The following STAT6 variants were observed in gnomAD, a reference collection of about 807,000 sequenced individuals.
STAT6 encodes signal transducer and activator of transcription 6, also known as STAT, interleukin4-induced.
STAT6 carries 45 observed loss-of-function variants against 106.3 expected under a neutral mutation model. That is an observed-to-expected ratio of 0.42 (90% confidence interval 0.33 to 0.54). STAT6 has a LOEUF of 0.54. Ranked by LOEUF, STAT6 falls within the 20% of genes least tolerant of loss-of-function variation. The pLI is 0.06. For synonymous variants in STAT6, 413 were observed against 413.6 expected (o/e 1.00, Z 0.02); for missense variants, 797 against 1,062.2 (o/e 0.75, Z 3.47).
chr12:57,101,139 A>C (rs1011235233), intron 13 of STAT6, among the ~76,000 whole-genome samples: 2 of 151,346 alleles, frequency 1.3e-5, no homozygotes, highest in Admixed American at 6.6e-5. Context: ...GGCAGGCTGG[A>C]GTGCAGTGGC....
chr12:57,105,089 C>T (rs2136604373), intron 9 of STAT6, 62 bp downstream of exon 9: 1 of 1,542,022 alleles, frequency 6.5e-7, no homozygotes, highest in South Asian at 1.2e-5. Flanking sequence ...AGTGCCAGCC[C>T]TCCAGGCTGC....
In STAT6 at chr12:57,106,735, G is replaced by T. The variant is rs1387979430; in HGVS notation, c.436C>A (p.Leu146Ile). The change falls in exon 5 of 22, where the codon CTT (leucine) becomes ATT (isoleucine). Residue 146 changes from leucine to isoleucine, a missense_variant. Transcript: ENST00000300134. ...RLQHRVGEIH[L>I]LREALQKGAE... is the part of the protein sequence containing the mutation. ...CCCTTCTGCAGGGCTTCTCGGAGAA[G>T]GTGGATCTCCCCTACTCGGTGCTGC... 1.2e-6 allele frequency: 2 copies of T among 1,614,182 alleles called. No homozygotes were observed. Among genetic ancestry groups the T allele is most frequent in the East Asian group, 2.2e-5 (1 of 44,880 alleles).
chr12:57,102,481 C>G lies in STAT6; in HGVS notation c.1321G>C (p.Val441Leu). Residue 441 changes from valine to leucine, a missense_variant, in exon 13 of 22, where the codon GTG becomes CTG. By Grantham distance (32) the Val-to-Leu change is conservative (BLOSUM62 1). Around this residue, in one of 4 missense-constraint regions of STAT6, gnomAD observed 222 missense variants for 354.6 expected, o/e 0.63. Coordinates refer to ENST00000300134, the MANE Select transcript of STAT6 (RefSeq NM_003153.5). ...AFSEMDRVPF[V>L]VAERVPWEKM... is the part of the protein sequence containing the mutation. ...TCCCAGGGCACCCGCTCAGCCACCA[C>G]AAAGGGCACGCGGTCCTGGGGAGAA... The G allele has an allele frequency of 6.2e-7, 1 of 1,613,698 alleles. No individual in the cohort carries two copies. Among genetic ancestry groups the G allele is most frequent in the Non-Finnish European group, 8.5e-7 (1 of 1,180,010 alleles).
At chr12:57,105,773 G>T in intron 7 of STAT6, 174 bp from the exon 8 acceptor site, 2 of 1,140,814 alleles carry the variant, frequency 1.8e-6, no homozygotes, top group Non-Finnish European at 1.2e-6. Context: ...GTTGGCCTAG[G>T]GTCTGGGTGG....
In STAT6 at chr12:57,099,679, G is replaced by A. The variant is rs769002007; in HGVS notation, c.1744+88C>T. ...AAGAACTTCCTGAAGATCAGGATCG[G>A]CATCAGGAAGGTCAGGACATTTCAT... On this transcript the variant is annotated intron_variant, in intron 15 of 21. Transcript: ENST00000300134. The surrounding 1 kb of genome is among the most constrained non-coding windows in gnomAD (Gnocchi z 4.7). The A allele has an allele frequency of 3.9e-6, 6 of 1,555,328 alleles. No homozygotes were observed. Among genetic ancestry groups the A allele is most frequent in the Non-Finnish European group, 5.3e-6 (6 of 1,140,246 alleles).
chr12:57,105,832 T>A (rs1592569070), intron 7 of STAT6: 1 of 740,080 alleles, frequency 1.4e-6, no homozygotes, highest in Admixed American at 3.1e-5. Context: ...CAGCTGCCTC[T>A]CCCCCGACGG....
chr12:57,098,622 G>T (rs1424886881), intron 18 of STAT6, 25 bp from the exon 19 acceptor site: 3 of 1,608,764 alleles, frequency 1.9e-6, no homozygotes, highest in Non-Finnish European at 2.5e-6. Context: ...CAGACCCCCT[G>T]ATGCCAGCCC....
At chr12:57,107,454 C>T (rs1592573478) in intron 3 of STAT6, 140 bp from the exon 4 acceptor site, 2 of 1,316,478 alleles carry the variant, frequency 1.5e-6, no homozygotes, top group Non-Finnish European at 2.1e-6. Context: ...CATTTGCATG[C>T]TTTTAAAATC....
rs759247999 is a variant in STAT6 at position 57,106,573 on chromosome 12, C to G, written c.486G>C (p.Leu162=). 6.2e-7 allele frequency: 1 copy of G among 1,614,184 alleles called. No individual in the cohort carries two copies. The highest frequency in any genetic ancestry group is 1.1e-5 in the South Asian group (1 of 91,074). The change falls in exon 6 of 22, where the codon CTG becomes CTC. Residue 162 remains leucine (L), a synonymous_variant. Transcript: ENST00000300134. ...TAGCAGGAGTTTCTATCAAGCTGTG[C>G]AGAGACACTGAGGGTTGGGGGCAGA... ...QKGAEAGQVS[L]HSLIETPANG... is the part of the protein sequence containing the mutation.
In STAT6 at chr12:57,099,282, G is replaced by T; in HGVS notation, c.1891+12C>A. 6.2e-7 allele frequency: 1 copy of T among 1,614,090 alleles called. No individual in the cohort carries two copies. The highest frequency in any genetic ancestry group is 1.1e-5 in the South Asian group (1 of 91,076). On this transcript the variant is annotated intron_variant, in intron 16 of 21. Coordinates refer to ENST00000300134, the MANE Select transcript of STAT6 (RefSeq NM_003153.5). The surrounding 1 kb of genome is among the most constrained non-coding windows in gnomAD (Gnocchi z 4.7). The stretch of plus-strand genomic sequence containing the variant: ...TGACAGGAAGGAATCAGAGCTGCCA[G>T]TTCCAGCTCACGCTTGTAGTGGCTC...
intron 13 of STAT6, 80 bp from the exon 14 acceptor site, chr12:57,100,170 T>A (rs753826736): frequency 2.5e-6 from 3 of 1,221,186 alleles, no homozygotes; most frequent in Non-Finnish European, 3.5e-6. Flanking sequence ...GAGCTGTGAG[T>A]GCCCTCACGA....
chr12:57,105,801 C>T (rs2034237072), intron 7 of STAT6: 2 of 910,062 alleles, frequency 2.2e-6, no homozygotes, highest in Non-Finnish European at 3.2e-6. Flanking sequence ...ATTCTCAGTG[C>T]CTACACCCCC....
In STAT6 at chr12:57,104,771, C is replaced by T. The variant is rs961487334; in HGVS notation, c.1044G>A (p.Glu348=). The change falls in exon 10 of 22, where the codon GAG becomes GAA. Residue 348 remains glutamate, a synonymous_variant. Transcript: ENST00000300134. The part of the protein sequence containing the change: ...GEIINNTVPL[E]NSIPGNCCSA... ...AGCAGCAGTTCCCAGGAATGCTGTT[C>T]TCCAAGGGCACAGTGTTGTTGATGA... 6.2e-7 allele frequency: 1 copy of T among 1,614,032 alleles called. No homozygotes were observed.
chr12:57,099,144 G>T lies in STAT6; in HGVS notation c.1892-66C>A. The T allele has an allele frequency of 6.2e-7, 1 of 1,605,088 alleles. No homozygotes were observed. Among genetic ancestry groups the T allele is most frequent in the Non-Finnish European group, 8.5e-7 (1 of 1,172,918 alleles). The stretch of plus-strand genomic sequence containing the variant: ...GTTAGGGAGGAAGGGAGGTGGAAAA[G>T]GTGGGCATGGATCATGGGGAAGTAA... On this transcript the variant is annotated intron_variant, in intron 16 of 21. Transcript: ENST00000300134. The surrounding 1 kb of genome is among the most constrained non-coding windows in gnomAD (Gnocchi z 4.7).
chr12:57,104,629 C>T (rs201788139), intron 10 of STAT6, 43 bp from the exon 11 acceptor site: 10 of 1,612,932 alleles, frequency 6.2e-6, no homozygotes, highest in East Asian at 2.2e-5. Context: ...GTCATGAGGA[C>T]AGAGACCGCT....
Position 57,102,937 on chromosome 12 carries a change from A to ACAG in STAT6, c.1213-19_1213-17dup, listed in dbSNP as rs2034028543. Reference sequence around the variant, plus strand: ...GAGACAGGGCCTGAAGAGGGTGAGGACAGGGGTTTCTTTTCTTTCTTTCTT... The same window carrying ACAG: ...GAGACAGGGCCTGAAGAGGGTGAGGACAGCAGGGGTTTCTTTTCTTTCTTTCTT... On this transcript the variant is annotated splice_polypyrimidine_tract_variant and intron_variant, in intron 11 of 21. Coordinates refer to ENST00000300134, the MANE Select transcript of STAT6 (RefSeq NM_003153.5). 4 of 1,316,910 alleles carry ACAG rather than the reference A, an allele frequency of 3.0e-6. No individual in the cohort carries two copies. The Admixed American group carries it at 9.6e-5, about 32-fold the overall frequency. The allele number at this position is 1,316,910 out of a possible 1,614,324, so 81.6% of individuals were successfully genotyped here.
chr12:57,099,454 G>A lies in STAT6; in HGVS notation c.1745-14C>T. On this transcript the variant is annotated splice_polypyrimidine_tract_variant and intron_variant, in intron 15 of 21. Coordinates refer to ENST00000300134, the MANE Select transcript of STAT6 (RefSeq NM_003153.5). The surrounding 1 kb of genome is among the most constrained non-coding windows in gnomAD (Gnocchi z 4.7). The stretch of plus-strand genomic sequence containing the variant: ...TCTGTGGAGAGCCTATGGTAGGAAG[G>A]AGACCCTGAGATCCCTCTGTCCGGA... 1 of 1,614,110 alleles carries A rather than the reference G, an allele frequency of 6.2e-7. No individual in the cohort carries two copies. The highest frequency in any genetic ancestry group is 8.5e-7 in the Non-Finnish European group (1 of 1,180,006).
Position 57,099,643 on chromosome 12 carries a change from A to G in STAT6, c.1744+124T>C. 1 of 1,459,442 alleles carries G rather than the reference A, an allele frequency of 6.9e-7. No homozygotes were observed. Among genetic ancestry groups the G allele is most frequent in the Non-Finnish European group, 9.3e-7 (1 of 1,076,746 alleles). The allele number at this position is 1,459,442 out of a possible 1,614,324, so 90.4% of individuals were successfully genotyped here. A position where few individuals can be genotyped will look rare whatever the true frequency, so the allele number is the denominator to read the frequency against. On this transcript the variant is annotated intron_variant, in intron 15 of 21. Coordinates refer to ENST00000300134, the MANE Select transcript of STAT6 (RefSeq NM_003153.5). The surrounding 1 kb of genome is among the most constrained non-coding windows in gnomAD (Gnocchi z 4.7). ...GAACATTTAGACCACAGAAGGAAGA[A>G]GAGAAGCTGGAAGAACTTCCTGAAG...
In STAT6 at chr12:57,097,153, A is replaced by G. The variant is rs1436599853; in HGVS notation, c.2160-20T>C. 6 of 1,502,846 alleles carry G rather than the reference A, an allele frequency of 4.0e-6. No individual in the cohort carries two copies. Among genetic ancestry groups the G allele is most frequent in the Non-Finnish European group, 5.3e-6 (6 of 1,126,598 alleles). 93.1% of individuals were successfully genotyped at this position (1,502,846 alleles called of 1,614,324 possible). On this transcript the variant is annotated intron_variant, in intron 19 of 21. Coordinates refer to ENST00000300134, the MANE Select transcript of STAT6 (RefSeq NM_003153.5). ...TGAGGCCTGGAAGTAGGGAGAGCAC[A>G]GTTAGAGGAAGGCAGGCTAGGCAAA...
Sources: gnomAD v4.1 joint callset for allele counts (sites outside exome capture counted in the v4.1 genomes callset) on GRCh38, gnomAD v4.1.1 for gene constraint, gnomAD v4.1.1 regional missense constraint, Gnocchi (gnomAD v3.1) non-coding constraint, MANE v1.5 for transcripts, NCBI Gene and HGNC (gene_info 2026-07-23, HGNC 2026-07-21) for gene names.